The following MAK variants were observed in gnomAD, a reference collection of about 807,000 sequenced individuals.
MAK encodes the protein male germ cell associated kinase.
Under a neutral mutation model 82.6 loss-of-function variants are expected in MAK, and 65 were observed. The observed-to-expected ratio is 0.79, with a 90% CI of 0.64 to 0.97. The LOEUF (loss-of-function observed/expected upper bound fraction) is 0.97. Ranked by LOEUF, MAK falls within the 50% of genes least tolerant of loss-of-function variation. The pLI, the probability that MAK is intolerant of heterozygous loss-of-function variation, is 0.00. For missense variants in MAK, 703 were observed against 780.2 expected (o/e 0.90, Z 1.18); for synonymous variants, 250 against 274.2 (o/e 0.91, Z 0.87).
intron 9 of MAK, among the ~76,000 whole-genome samples, chr6:10,792,071 G>C (rs1405191711): frequency 6.6e-6 from 1 of 152,196 alleles, no homozygotes; most frequent in Non-Finnish European, 1.5e-5. Flanking sequence ...AACTAGGTTG[G>C]TGAGAGACTT....
chr6:10,824,434 G>C (rs1778202362), intron 2 of MAK, among the ~76,000 whole-genome samples: 1 of 152,092 alleles, frequency 6.6e-6, no homozygotes, highest in African/African-American at 2.4e-5. Context: ...TGTGTGGCGT[G>C]GTTTGCCTCC....
intron 11 of MAK, among the ~76,000 whole-genome samples, chr6:10,775,852 G>C (rs1055974711): frequency 2.0e-5 from 3 of 152,128 alleles, no homozygotes; most frequent in African/African-American, 7.2e-5. Context: ...GCCATGGTGT[G>C]ATCTTGGCTC....
Position 10,817,857 on chromosome 6 carries a change from T to A in MAK, c.271A>T (p.Lys91Ter), listed in dbSNP as rs769859859. The part of the protein sequence containing the change: ...YMKENLYQLM[K>*]DRNKLFPESV... Reference sequence around the variant, plus strand: ...ACATGAATAAAAACATACCTGTCTTTCATTAATTGATAGAGGTTTTCTTTC... The same window carrying A: ...ACATGAATAAAAACATACCTGTCTTACATTAATTGATAGAGGTTTTCTTTC... Residue 91 changes from lysine to a stop codon, truncating the protein, a stop_gained, in exon 4 of 15, where the codon AAA (lysine) becomes TAA (stop). Transcript: ENST00000354489. LOFTEE classifies it high-confidence loss of function. 2 of 1,489,164 alleles carry A rather than the reference T, an allele frequency of 1.3e-6. No individual in the cohort carries two copies. The highest frequency in any genetic ancestry group is 1.8e-6 in the Non-Finnish European group (2 of 1,082,278). The allele number at this position is 1,489,164 out of a possible 1,614,324, so 92.2% of individuals were successfully genotyped here.
intron 4 of MAK, among the ~76,000 whole-genome samples, chr6:10,815,060 A>G (rs886481387): frequency 5.3e-5 from 8 of 152,010 alleles, no homozygotes; most frequent in Non-Finnish European, 5.9e-5. Context: ...ATAAAGAAAG[A>G]AATATATATG....
chr6:10,764,548 A>G lies in MAK; in HGVS notation c.1851T>C (p.Pro617=), dbSNP rs766252727. The G allele has an allele frequency of 1.9e-6, 3 of 1,613,976 alleles. No individual in the cohort carries two copies. Among genetic ancestry groups the G allele is most frequent in the Non-Finnish European group, 2.5e-6 (3 of 1,179,998 alleles). ...RGQFSGRTYN[P]TAKNLNIVNR... ...TCACAATATTTAGGTTTTTTGCTGT[A>G]GGATTATAAGTACGTCCTGAAAACT... Residue 617 remains proline, a synonymous_variant, in exon 15 of 15, where the codon CCT becomes CCC. Transcript: ENST00000354489.
chr6:10,805,447 T>C (rs563084570), intron 6 of MAK, among the ~76,000 whole-genome samples: 5 of 150,902 alleles, frequency 3.3e-5, no homozygotes, highest in African/African-American at 1.2e-4. Flanking sequence ...CTTAGCTGGG[T>C]GTAGTGGTGG....
intron 1 of MAK, among the ~76,000 whole-genome samples, chr6:10,832,369 TA>T (rs1295660277): frequency 2.0e-5 from 3 of 152,270 alleles, no homozygotes; most frequent in Non-Finnish European, 4.4e-5. Flanking sequence ...CTACTGTAAG[TA>T]AAATGCTATC....
At position 10,784,532 on chromosome 6, in the gene MAK, C is replaced by G; in HGVS notation, c.1357G>C (p.Gly453Arg). ...ACAGCAGGTAAGCTCTTGTTTTCCC[C>G]TGTCGAGTGGTTGGAGCCTGAGGGT... ...PVPSGSNHST[G>R]ENKSLPAVTS... The change falls in exon 11 of 15, where the codon GGG (glycine) becomes CGG (arginine). Residue 453 changes from glycine to arginine, a missense_variant. Coordinates refer to ENST00000354489, the MANE Select transcript of MAK (RefSeq NM_001242957.3). 8 of 1,614,116 alleles carry G rather than the reference C, an allele frequency of 5.0e-6. No homozygotes were observed. The highest frequency in any genetic ancestry group is 6.8e-6 in the Non-Finnish European group (8 of 1,179,986).
chr6:10,810,502 G>A (rs1581731334), intron 5 of MAK, among the ~76,000 whole-genome samples: 1 of 152,054 alleles, frequency 6.6e-6, no homozygotes, highest in East Asian at 1.9e-4. Flanking sequence ...ACCACACTCG[G>A]CTAATTGTTT....
chr6:10,821,439 C>A (rs1003029203), intron 2 of MAK, among the ~76,000 whole-genome samples: 2 of 151,932 alleles, frequency 1.3e-5, no homozygotes, highest in Admixed American at 6.6e-5. Context: ...CCAAGCTCGA[C>A]TAATTTTTGT....
chr6:10,778,709 C>CG (rs1259013353), intron 11 of MAK, among the ~76,000 whole-genome samples: 2 of 151,492 alleles, frequency 1.3e-5, no homozygotes, highest in African/African-American at 4.9e-5. Context: ...TTTTGTGTGC[C>CG]GTGTTAAGAA....
chr6:10,817,129 AGTGTGTGT>A (rs60627741), intron 4 of MAK, among the ~76,000 whole-genome samples: 5 of 149,840 alleles, frequency 3.3e-5, no homozygotes, highest in East Asian at 2.0e-4. Flanking sequence ...CTTGAGCGAG[AGTGTGTGT>A]GTGTGTGTGT....
In MAK at chr6:10,770,502, A is replaced by G. The variant is rs900870211; in HGVS notation, c.1673-272T>C. On this transcript the variant is annotated intron_variant, in intron 13 of 14. Transcript: ENST00000354489. ...AGAGACTGAGCTGGGGTCTGAACTC[A>G]AGGCCCAGGGGTGTTCAGTTCACCC... Among the ~76,000 whole-genome samples the G allele has an allele frequency of 2.6e-5, 4 of 152,248 alleles. No individual in the cohort carries two copies. The South Asian group carries it at 8.3e-4, about 32-fold the overall frequency.
Position 10,836,665 on chromosome 6 carries a change from A to C in MAK, c.-230+1838T>G, listed in dbSNP as rs902976031. On this transcript the variant is annotated intron_variant, in intron 1 of 14. Transcript: ENST00000354489. ...CTTCTCTGTTGACCTATGGAAAACT[A>C]ATCTACAAAATAGGAATATATTAAC... 1.1e-3 allele frequency among the ~76,000 whole-genome samples: 164 copies of C among 152,364 alleles called. 2 individuals are homozygous for C. The highest frequency in any genetic ancestry group is 1.9e-4 in the Non-Finnish European group (13 of 68,034).
intron 12 of MAK, among the ~76,000 whole-genome samples, chr6:10,774,647 A>G (rs1287398042): frequency 6.6e-6 from 1 of 152,242 alleles, no homozygotes; most frequent in Non-Finnish European, 1.5e-5. Context: ...CTGTCAGCTA[A>G]CAATTCAAGT....
intron 6 of MAK, 152 bp from the exon 7 acceptor site, chr6:10,804,043 C>T: frequency 1.4e-6 from 1 of 700,088 alleles, no homozygotes; most frequent in Non-Finnish European, 2.5e-6. Context: ...GTACAATGTT[C>T]TGGGGATAAT....
Position 10,764,416 on chromosome 6 carries a change from AC to A in MAK, c.*35del. 1 of 1,608,568 alleles carries A rather than the reference AC, an allele frequency of 6.2e-7. No homozygotes were observed. Among genetic ancestry groups the A allele is most frequent in the Non-Finnish European group, 8.5e-7 (1 of 1,175,784 alleles). ...GGGTCAAGGAACTTGCACGTACTCT[AC>A]GGAGCAATGCTGTAGGGTTTCACAC... On this transcript the variant is annotated 3_prime_UTR_variant, in exon 15 of 15. Transcript: ENST00000354489.
At chr6:10,804,738 A>G (rs903546903) in intron 6 of MAK, among the ~76,000 whole-genome samples, 45 of 152,162 alleles carry the variant, frequency 3.0e-4, no homozygotes, top group African/African-American at 1.0e-3. Context: ...GACACTCTCA[A>G]TTCTCTTTTT....
At position 10,763,013 on chromosome 6, in the gene MAK, CAGT is replaced by C. The variant is rs778713861; in HGVS notation, c.*1436_*1438del. ...GTCACAAAATACATAAAAATCTCAGCAGTTGGTAACATTATTATTCTTTAAAAA... is the reference window on the plus strand; with the variant it reads ...GTCACAAAATACATAAAAATCTCAGCTGGTAACATTATTATTCTTTAAAAA... On this transcript the variant is annotated 3_prime_UTR_variant, in exon 15 of 15. Coordinates refer to ENST00000354489, the MANE Select transcript of MAK (RefSeq NM_001242957.3). The C allele has an allele frequency of 9.2e-5, 14 of 152,584 alleles. No homozygotes were observed. The highest frequency in any genetic ancestry group is 1.8e-4 in the Non-Finnish European group (12 of 68,036). 9.5% of individuals were successfully genotyped at this position (152,584 alleles called of 1,614,324 possible).
Sources: gnomAD v4.1 joint callset for allele counts (sites outside exome capture counted in the v4.1 genomes callset) on GRCh38, gnomAD v4.1.1 for gene constraint, MANE v1.5 for transcripts, NCBI Gene and HGNC (gene_info 2026-07-23, HGNC 2026-07-21) for gene names.